The following PTPRG variants were observed in gnomAD, a reference collection of about 807,000 sequenced individuals.
PTPRG encodes the protein protein tyrosine phosphatase receptor type G, also known as receptor-type tyrosine-protein phosphatase gamma.
Under a neutral mutation model 165.3 loss-of-function variants are expected in PTPRG, and 102 were observed. The ratio of observed to expected loss-of-function variants is 0.62; its 90% CI spans 0.53 to 0.73. The LOEUF (loss-of-function observed/expected upper bound fraction) is 0.73, where lower values mean the gene tolerates loss of function less well. Ranked by LOEUF, PTPRG falls within the 30% of genes least tolerant of loss-of-function variation. The pLI, the probability that PTPRG is intolerant of heterozygous loss-of-function variation, is 0.00. For missense variants in PTPRG, 1,866 were observed against 1,861.4 expected (o/e 1.00, Z -0.05); for synonymous variants, 675 against 669.5 (o/e 1.01, Z -0.13).
chr3:62,191,383 C>G (rs1466675244), intron 8 of PTPRG, 86 bp from the exon 9 acceptor site: 4 of 1,317,702 alleles, frequency 3.0e-6, no homozygotes, highest in African/African-American at 3.0e-5. Flanking sequence ...ACTCTTTCAA[C>G]TTTTTGAGGC....
At chr3:61,862,765 C>A (rs1053569026) in intron 2 of PTPRG, among the ~76,000 whole-genome samples, 2 of 152,138 alleles carry the variant, frequency 1.3e-5, no homozygotes, top group East Asian at 3.9e-4. Flanking sequence ...GTTTTCCAGA[C>A]CTGCTTGTAA....
At chr3:61,566,078 A>C (rs1446207762) in intron 1 of PTPRG, among the ~76,000 whole-genome samples, 1 of 152,172 alleles carries the variant, frequency 6.6e-6, no homozygotes, top group African/African-American at 2.4e-5. Context: ...TTGAGGGTTG[A>C]TGGACTTAAA....
intron 2 of PTPRG, among the ~76,000 whole-genome samples, chr3:61,905,952 C>A (rs111396306): frequency 6.6e-6 from 1 of 152,148 alleles, no homozygotes; most frequent in South Asian, 2.1e-4. Context: ...AGAAAATATT[C>A]TCTTATGAAA....
chr3:61,617,504 C>T (rs55869580), intron 1 of PTPRG, among the ~76,000 whole-genome samples: 3 of 152,110 alleles, frequency 2.0e-5, no homozygotes, highest in African/African-American at 7.2e-5. Flanking sequence ...TAATCAGATA[C>T]AGAACTTCCA....
chr3:61,670,506 G>T (rs1174223976), intron 1 of PTPRG, among the ~76,000 whole-genome samples: 1 of 152,194 alleles, frequency 6.6e-6, no homozygotes, highest in Non-Finnish European at 1.5e-5. Flanking sequence ...AAATGGTATT[G>T]TCTGCGCCCT....
At chr3:61,621,370 G>A (rs866604319) in intron 1 of PTPRG, among the ~76,000 whole-genome samples, 3 of 152,066 alleles carry the variant, frequency 2.0e-5, no homozygotes, top group African/African-American at 2.4e-5. Context: ...TACTGATTAC[G>A]TGGTATGTGC....
intron 2 of PTPRG, among the ~76,000 whole-genome samples, chr3:61,959,002 G>T (rs1207426877): frequency 3.3e-5 from 5 of 152,296 alleles, no homozygotes; most frequent in African/African-American, 1.2e-4. Context: ...CCCCACTCCT[G>T]TGCCGCACTC....
At chr3:61,694,057 T>C (rs577821865) in intron 1 of PTPRG, among the ~76,000 whole-genome samples, 1 of 149,640 alleles carries the variant, frequency 6.7e-6, no homozygotes, top group Admixed American at 6.7e-5. Flanking sequence ...AGCAAGGCTT[T>C]AAAAAGTAGG....
intron 2 of PTPRG, among the ~76,000 whole-genome samples, chr3:61,964,018 A>G (rs1323657104): frequency 1.3e-5 from 2 of 152,212 alleles, no homozygotes; most frequent in African/African-American, 2.4e-5. Context: ...ATAGTATTCT[A>G]TGCAGTACCT....
At chr3:61,957,426 G>A (rs751989310) in intron 2 of PTPRG, among the ~76,000 whole-genome samples, 2 of 152,206 alleles carry the variant, frequency 1.3e-5, no homozygotes, top group African/African-American at 2.4e-5. Context: ...TTCTTTGCCT[G>A]TGCAGTTCTA....
chr3:62,135,669 G>A (rs1481354756), intron 6 of PTPRG, among the ~76,000 whole-genome samples: 2 of 152,184 alleles, frequency 1.3e-5, no homozygotes, highest in East Asian at 1.9e-4. Context: ...GGAATTTGAA[G>A]TGCAAGAAAG....
intron 4 of PTPRG, among the ~76,000 whole-genome samples, chr3:62,066,709 A>G (rs1701024109): frequency 6.6e-6 from 1 of 152,170 alleles, no homozygotes; most frequent in Non-Finnish European, 1.5e-5. Flanking sequence ...AGTCACCTCA[A>G]GAGAAGTTGA....
chr3:61,661,734 T>C (rs1478769785), intron 1 of PTPRG, among the ~76,000 whole-genome samples: 1 of 152,200 alleles, frequency 6.6e-6, no homozygotes, highest in African/African-American at 2.4e-5. Flanking sequence ...TGTGTGTAGA[T>C]ATTAGCATTC....
At chr3:62,152,799 G>A (rs1704384088) in intron 6 of PTPRG, among the ~76,000 whole-genome samples, 1 of 152,140 alleles carries the variant, frequency 6.6e-6, no homozygotes, top group African/African-American at 2.4e-5. Context: ...TCTGGCTATG[G>A]CTGTCAAGGT....
At chr3:61,936,578 C>G (rs1575802319) in intron 2 of PTPRG, among the ~76,000 whole-genome samples, 1 of 152,154 alleles carries the variant, frequency 6.6e-6, no homozygotes, top group South Asian at 2.1e-4. Flanking sequence ...GCTGGAGGTA[C>G]AGATGAGGGC....
chr3:61,792,798 G>C (rs541096750), intron 2 of PTPRG, among the ~76,000 whole-genome samples: 35 of 151,210 alleles, frequency 2.3e-4, no homozygotes, highest in African/African-American at 8.5e-4. Flanking sequence ...GCGTGATCTC[G>C]GCTCACTGCA....
chr3:62,286,860 A>T (rs1702683429), intron 28 of PTPRG, among the ~76,000 whole-genome samples: 1 of 152,078 alleles, frequency 6.6e-6, no homozygotes, highest in Non-Finnish European at 1.5e-5. Context: ...GCATTCTTTA[A>T]TCCCACTTAG....
At chr3:62,291,506 T>C (rs954128617) in intron 28 of PTPRG, among the ~76,000 whole-genome samples, 2 of 152,060 alleles carry the variant, frequency 1.3e-5, no homozygotes, top group African/African-American at 4.8e-5. Context: ...AATTTTTACC[T>C]CTGGAGAGGT....
At chr3:62,076,540 A>G (rs1701391928) in intron 4 of PTPRG, among the ~76,000 whole-genome samples, 1 of 149,216 alleles carries the variant, frequency 6.7e-6, no homozygotes, top group Non-Finnish European at 1.5e-5. Flanking sequence ...ATCAGTGTGG[A>G]GGCTTCTGGG....
Sources: allele counts gnomAD v4.1 joint callset (sites outside exome capture counted in the v4.1 genomes callset), GRCh38; gene constraint gnomAD v4.1.1; transcripts MANE v1.5; gene names NCBI Gene and HGNC (gene_info 2026-07-23, HGNC 2026-07-21).